Variants in FAM120C observed in about 807,000 individuals in gnomAD.
FAM120C encodes the protein family with sequence similarity 120 member C, also known as constitutive coactivator of PPAR-gamma-like protein 2.
Under a neutral mutation model 71.2 loss-of-function variants are expected in FAM120C, and 14 were observed. The ratio of observed to expected loss-of-function variants is 0.20; its 90% CI spans 0.13 to 0.31. The LOEUF is 0.31. FAM120C is among the 10% of genes least tolerant of loss of function. The pLI is 1.00. For missense variants in FAM120C, 500 were observed against 879.0 expected, an observed-to-expected ratio of 0.57 and a Z score of 5.45; for synonymous variants, 354 against 353.2, an observed-to-expected ratio of 1.00 and a Z score of -0.03.
rs1464512315 is a variant in FAM120C at position 54,072,770 on chromosome X, A to T, written c.*263T>A. 1 of 277,470 alleles carries T rather than the reference A, an allele frequency of 3.6e-6. No individual in the cohort carries two copies. The highest frequency in any genetic ancestry group is 6.3e-6 in the Non-Finnish European group (1 of 158,602). 22.9% of individuals were successfully genotyped at this position (277,470 alleles called of 1,213,427 possible). A position where few individuals can be genotyped will look rare whatever the true frequency, so the allele number is the denominator to read the frequency against. ...GGCTCCCAGAGGAGATAAATAAACTATTGGTGCTATATCTTCAATTTGAGA... is the reference window on the plus strand; with the variant it reads ...GGCTCCCAGAGGAGATAAATAAACTTTTGGTGCTATATCTTCAATTTGAGA... On this transcript the variant is annotated 3_prime_UTR_variant, in exon 16 of 16. Coordinates refer to ENST00000375180, the MANE Select transcript of FAM120C (RefSeq NM_017848.6).
chrX:54,115,240 G>T (rs1333997815), intron 10 of FAM120C, among the ~76,000 whole-genome samples: 7 of 112,005 alleles, frequency 6.2e-5, no homozygotes, highest in Non-Finnish European at 1.3e-4. Context: ...ATCTGACAAA[G>T]AACTTCTGTA....
intron 9 of FAM120C, among the ~76,000 whole-genome samples, chrX:54,127,830 T>C (rs782451591): frequency 9.1e-6 from 1 of 109,764 alleles, no homozygotes; most frequent in Non-Finnish European, 1.9e-5. Flanking sequence ...CTGGCCTCAA[T>C]CATCTTCCCA....
intron 10 of FAM120C, among the ~76,000 whole-genome samples, chrX:54,110,779 G>T (rs1192176456): frequency 9.0e-6 from 1 of 110,519 alleles, no homozygotes; most frequent in Non-Finnish European, 1.9e-5. Flanking sequence ...GCTGGGCATG[G>T]CCGGGTGCAG....
At chrX:54,147,227 T>A (rs1557132491) in intron 4 of FAM120C, 1 of 110,507 alleles carries the variant, frequency 9.0e-6, no homozygotes, top group Non-Finnish European at 1.9e-5. Context: ...TGAGGCACAG[T>A]AATCGCTTGA....
intron 10 of FAM120C, among the ~76,000 whole-genome samples, chrX:54,111,861 C>T (rs1222756803): frequency 8.9e-6 from 1 of 111,765 alleles, no homozygotes; most frequent in Non-Finnish European, 1.9e-5. Flanking sequence ...AAGCCGGAGG[C>T]GTCACATTAC....
chrX:54,138,789 A>G (rs921779177), intron 4 of FAM120C, among the ~76,000 whole-genome samples: 3 of 112,612 alleles, frequency 2.7e-5, no homozygotes, highest in Admixed American at 9.4e-5. Context: ...ACTGCACTCC[A>G]GCCTAGGCGA....
intron 10 of FAM120C, among the ~76,000 whole-genome samples, chrX:54,099,189 A>G (rs782315678): frequency 9.2e-6 from 1 of 108,365 alleles, no homozygotes; most frequent in Non-Finnish European, 1.9e-5. Flanking sequence ...CTTTTTAAAG[A>G]TTTTTTTGTA....
chrX:54,173,251 ATATT>A (rs1169041191), intron 1 of FAM120C, among the ~76,000 whole-genome samples: 27 of 111,830 alleles, frequency 2.4e-4, no homozygotes, highest in African/African-American at 8.5e-4. Flanking sequence ...TTGTATAATG[ATATT>A]TCTTTTTTTT....
At chrX:54,151,561 T>C (rs1350034247) in intron 3 of FAM120C, among the ~76,000 whole-genome samples, 188 bp from the exon 4 acceptor site, 3 of 112,091 alleles carry the variant, frequency 2.7e-5, no homozygotes, top group African/African-American at 9.7e-5. Flanking sequence ...TGGAAAAGTA[T>C]AAAGCAATAA....
chrX:54,089,269 T>C (rs1221363076), intron 11 of FAM120C, among the ~76,000 whole-genome samples: 2 of 111,501 alleles, frequency 1.8e-5, no homozygotes, highest in East Asian at 2.8e-4. Flanking sequence ...AACTACAATA[T>C]ATAATTACAT....
Position 54,073,116 on chromosome X carries a change from G to T in FAM120C, c.3208C>A (p.Arg1070Ser). The change falls in exon 16 of 16, where the codon CGC (arginine) becomes AGC (serine). Residue 1070 changes from arginine (R) to serine (S), a missense_variant. By Grantham distance (110) the Arg-to-Ser change is moderately radical. Transcript: ENST00000375180. ...TCCCTATTATTCATAGGGAGGTAGC[G>T]GTTACCATTATTACACTCATTGCTG... Reference protein sequence around the residue: ...RDSNECNNGNRYLPMNNREKN... With the variant: ...RDSNECNNGNSYLPMNNREKN... 2.5e-6 allele frequency: 3 copies of T among 1,210,757 alleles called. No homozygotes were observed. The highest frequency in any genetic ancestry group is 3.4e-6 in the Non-Finnish European group (3 of 894,973).
chrX:54,159,723 G>T, intron 1 of FAM120C, 107 bp from the exon 2 acceptor site: 4 of 696,857 alleles, frequency 5.7e-6, no homozygotes, highest in Non-Finnish European at 8.2e-6. Flanking sequence ...ATTTGAAATT[G>T]TACGTGAGAG....
At position 54,069,459 on chromosome X, in the gene FAM120C, C is replaced by T. The variant is rs1557119878; in HGVS notation, c.*3574G>A. ...ACTGACTTTTCAAAGGTGGGTGGGT[C>T]GTAGAGGCTGTAATGGTAACATTGA... On this transcript the variant is annotated 3_prime_UTR_variant, in exon 16 of 16. Coordinates refer to ENST00000375180, the MANE Select transcript of FAM120C (RefSeq NM_017848.6). 1 of 110,701 alleles carries T rather than the reference C, an allele frequency of 9.0e-6. No homozygotes were observed. Among genetic ancestry groups the T allele is most frequent in the East Asian group, 2.8e-4 (1 of 3,530 alleles). The allele number at this position is 110,701 out of a possible 1,213,427, so 9.1% of individuals were successfully genotyped here. A position where few individuals can be genotyped will look rare whatever the true frequency, so the allele number is the denominator to read the frequency against.
intron 15 of FAM120C, among the ~76,000 whole-genome samples, chrX:54,078,256 A>T (rs2066746904): frequency 9.1e-6 from 1 of 110,351 alleles, no homozygotes; most frequent in Non-Finnish European, 1.9e-5. Context: ...ATCTACTCTT[A>T]TTGTACCAAA....
chrX:54,171,570 A>T (rs1238666339), intron 1 of FAM120C: 2 of 111,455 alleles, frequency 1.8e-5, no homozygotes, highest in Non-Finnish European at 3.8e-5. Context: ...TTTGACTTGG[A>T]ACTGGTGGCC....
intron 5 of FAM120C, among the ~76,000 whole-genome samples, chrX:54,136,052 G>A (rs1366301383): frequency 9.4e-6 from 1 of 106,623 alleles, no homozygotes; most frequent in East Asian, 3.0e-4. Context: ...AGGCTGGAGT[G>A]CAATGGCGCG....
chrX:54,135,994 C>A (rs1438114101), intron 5 of FAM120C, among the ~76,000 whole-genome samples: 3 of 109,645 alleles, frequency 2.7e-5, no homozygotes, highest in Non-Finnish European at 5.7e-5. Flanking sequence ...GAAAGCAGGG[C>A]CCTTCTTTTT....
At chrX:54,138,635 G>T (rs1569532936) in intron 4 of FAM120C, among the ~76,000 whole-genome samples, 1 of 110,014 alleles carries the variant, frequency 9.1e-6, no homozygotes, top group East Asian at 2.8e-4. Context: ...GACCAGCCTG[G>T]CCAACATGGT....
Position 54,183,234 on chromosome X carries a change from A to G in FAM120C, c.-36T>C. 2 of 1,030,202 alleles carry G rather than the reference A, an allele frequency of 1.9e-6. No individual in the cohort carries two copies. 84.9% of individuals were successfully genotyped at this position (1,030,202 alleles called of 1,213,427 possible). A position where few individuals can be genotyped will look rare whatever the true frequency, so the allele number is the denominator to read the frequency against. On this transcript the variant is annotated 5_prime_UTR_variant, in exon 1 of 16. Transcript: ENST00000375180. ...TGGGCAGACGCGATAGCGGCTGCGC[A>G]AGCAGGATAGGCGACGATCTGGGCG...
Sources: allele counts gnomAD v4.1 joint callset (sites outside exome capture counted in the v4.1 genomes callset), GRCh38; gene constraint gnomAD v4.1.1; transcripts MANE v1.5; gene names NCBI Gene and HGNC (gene_info 2026-07-23, HGNC 2026-07-21).